STMP1: variants seen among roughly 807,000 people sequenced by gnomAD.
STMP1 encodes short transmembrane mitochondrial protein 1.
STMP1 carries 7 observed loss-of-function variants against 7.0 expected under a neutral mutation model. The observed-to-expected ratio is 1.01, with a 90% CI of 0.57 to 1.89. STMP1 has a LOEUF of 1.89. STMP1 is among the 40% of genes most tolerant of loss of function. STMP1 has a pLI of 0.00. For synonymous variants in STMP1, 19 were observed against 18.4 expected (o/e 1.03, Z -0.08); for missense variants, 45 against 53.0 (o/e 0.85, Z 0.47).
chr7:135,670,919 A>G (rs1189366373), intron 1 of STMP1, among the ~76,000 whole-genome samples: 1 of 152,224 alleles, frequency 6.6e-6, no homozygotes, highest in Non-Finnish European at 1.5e-5. Context: ...TGCTTTAGGC[A>G]CACCGCTTGA....
chr7:135,666,657 A>G (rs1176957571), intron 1 of STMP1, among the ~76,000 whole-genome samples: 1 of 72,336 alleles, frequency 1.4e-5, no homozygotes, highest in Non-Finnish European at 3.5e-5. Context: ...CTATTACACT[A>G]TTATGATCCA....
intron 1 of STMP1, among the ~76,000 whole-genome samples, chr7:135,667,373 G>A (rs987958793): frequency 6.6e-6 from 1 of 152,062 alleles, no homozygotes; most frequent in Admixed American, 6.6e-5. Context: ...CACCATGCCT[G>A]GCTAATTTTT....
At chr7:135,663,350 T>G (rs964279465) in intron 1 of STMP1, among the ~76,000 whole-genome samples, 1 of 152,168 alleles carries the variant, frequency 6.6e-6, no homozygotes, top group Non-Finnish European at 1.5e-5. Flanking sequence ...TTTTTTTTAT[T>G]TTTTATTTTT....
Position 135,675,405 on chromosome 7 carries a change from C to T in STMP1, c.*1240C>T, listed in dbSNP as rs1406314785. On this transcript the variant is annotated 3_prime_UTR_variant, in exon 3 of 3. Transcript: ENST00000507606. ...TTTTTTAATGGAGATCATTCTATAC[C>T]AGCATGTAAGTAGCAAGGAACCTCA... is the stretch of plus-strand genomic sequence containing the variant. 1 of 151,758 alleles carries T rather than the reference C, an allele frequency of 6.6e-6. No individual in the cohort carries two copies. Among genetic ancestry groups the T allele is most frequent in the African/African-American group, 2.4e-5 (1 of 41,310 alleles). The allele number at this position is 151,758 out of a possible 1,614,324, so 9.4% of individuals were successfully genotyped here.
chr7:135,663,294 C>A (rs1435280437), intron 1 of STMP1, among the ~76,000 whole-genome samples: 1 of 152,164 alleles, frequency 6.6e-6, no homozygotes, highest in East Asian at 1.9e-4. Flanking sequence ...GAAAGTTTTT[C>A]TGCCAAGCTA....
Position 135,662,554 on chromosome 7 carries a change from C to T in STMP1, c.-26C>T, listed in dbSNP as rs750301602. 1 of 1,546,404 alleles carries T rather than the reference C, an allele frequency of 6.5e-7. No individual in the cohort carries two copies. The highest frequency in any genetic ancestry group is 8.7e-7 in the Non-Finnish European group (1 of 1,145,018). On this transcript the variant is annotated 5_prime_UTR_variant, in exon 1 of 3. Coordinates refer to ENST00000507606, the MANE Select transcript of STMP1 (RefSeq NM_001130929.2). ...CGCGGAGCTGCTGCAGTCCTTCGCG[C>T]CCTCCTCGCCCTCCCCACCGACATC... is the stretch of plus-strand genomic sequence containing the variant.
At chr7:135,673,128 T>C (rs1308897647) in intron 2 of STMP1, 2 of 343,094 alleles carry the variant, frequency 5.8e-6, no homozygotes, top group East Asian at 1.2e-4. Flanking sequence ...TAAGTGAGAA[T>C]TTAAAAATTA....
chr7:135,667,945 T>C (rs1795314030), intron 1 of STMP1, among the ~76,000 whole-genome samples: 1 of 152,254 alleles, frequency 6.6e-6, no homozygotes, highest in South Asian at 2.1e-4. Context: ...TAATCCATTT[T>C]GAGTTAATTT....
chr7:135,662,587 A>G lies in STMP1; in HGVS notation c.8A>G (p.Gln3Arg), dbSNP rs1429976337. 1 of 1,547,454 alleles carries G rather than the reference A, an allele frequency of 6.5e-7. No individual in the cohort carries two copies. The highest frequency in any genetic ancestry group is 1.2e-5 in the South Asian group (1 of 83,824). ML[Q>R]FLLGFTLGNV... ...GCCCTCCCCACCGACATCATGCTCCAGTTCCTGGTGAGTGGAGCTGCCGAA... is the reference window on the plus strand; with the variant it reads ...GCCCTCCCCACCGACATCATGCTCCGGTTCCTGGTGAGTGGAGCTGCCGAA... Residue 3 changes from glutamine to arginine, a missense_variant, in exon 1 of 3, where the codon CAG (glutamine) becomes CGG (arginine). Transcript: ENST00000507606.
intron 1 of STMP1, among the ~76,000 whole-genome samples, chr7:135,668,145 T>C (rs1465560207): frequency 6.6e-6 from 1 of 152,188 alleles, no homozygotes. Context: ...ATTCCTGGGC[T>C]CTCCACTTTA....
rs900266391 is a variant in STMP1 at position 135,662,696 on chromosome 7, G to A, written c.15+102G>A. ...GACCCCGCCGACCCGGCCTGGGCGT[G>A]GGTCCAGCGGTCCCTTCGTCCCCCG... is the stretch of plus-strand genomic sequence containing the variant. On this transcript the variant is annotated intron_variant, in intron 1 of 2. Transcript: ENST00000507606. The A allele has an allele frequency of 2.2e-6, 3 of 1,365,688 alleles. No individual in the cohort carries two copies. The Admixed American group carries it at 7.7e-5, about 35-fold the overall frequency. 84.6% of individuals were successfully genotyped at this position (1,365,688 alleles called of 1,614,324 possible).
chr7:135,666,436 C>T (rs1363048869), intron 1 of STMP1, among the ~76,000 whole-genome samples: 1 of 152,136 alleles, frequency 6.6e-6, no homozygotes, highest in African/African-American at 2.4e-5. Flanking sequence ...GCAACCTCTG[C>T]CTCCTTGGTT....
At position 135,665,049 on chromosome 7, in the gene STMP1, T is replaced by C. The variant is rs537904158; in HGVS notation, c.15+2455T>C. On this transcript the variant is annotated intron_variant, in intron 1 of 2. Transcript: ENST00000507606. ...TTTGTTGTGAGGATTAAAAATGAGT[T>C]AACACATTAAAGAACTTAAAAACAG... is the stretch of plus-strand genomic sequence containing the variant. Among the ~76,000 whole-genome samples the C allele has an allele frequency of 3.8e-4, 58 of 152,292 alleles. 3 individuals carry two copies. In the South Asian group the frequency reaches 0.011, roughly 30 times the overall value.
intron 2 of STMP1, chr7:135,673,038 C>T (rs968475024): frequency 1.1e-5 from 6 of 529,294 alleles, no homozygotes; most frequent in Non-Finnish European, 1.3e-5. Flanking sequence ...TAGCTGGGCT[C>T]ATGATCATCC....
At chr7:135,672,274 G>C in intron 1 of STMP1, among the ~76,000 whole-genome samples, 1 of 152,132 alleles carries the variant, frequency 6.6e-6, no homozygotes, top group Non-Finnish European at 1.5e-5. Flanking sequence ...CTCTGTGCCC[G>C]GCCTTGACTG....
At chr7:135,671,753 C>T (rs1428862383) in intron 1 of STMP1, among the ~76,000 whole-genome samples, 1 of 152,178 alleles carries the variant, frequency 6.6e-6, no homozygotes, top group Non-Finnish European at 1.5e-5. Context: ...AGTGCTAAGC[C>T]ATATGTGCTC....
At position 135,674,403 on chromosome 7, in the gene STMP1, A is replaced by C; in HGVS notation, c.*238A>C. 2.3e-6 allele frequency: 1 copy of C among 438,522 alleles called. No individual in the cohort carries two copies. The highest frequency in any genetic ancestry group is 4.1e-6 in the Non-Finnish European group (1 of 246,494). 27.2% of individuals were successfully genotyped at this position (438,522 alleles called of 1,614,324 possible). ...CCTTTCCAACTGCATGGGAGGTTCT[A>C]AGACTGGAATTATGGTGCTAGATTA... On this transcript the variant is annotated 3_prime_UTR_variant, in exon 3 of 3. Transcript: ENST00000507606.
Position 135,662,517 on chromosome 7 carries a change from C to T in STMP1, c.-63C>T, listed in dbSNP as rs551907780. ...CCCCCCCCGCGCATGGGGAGGTAGG[C>T]TCGGACCGGCCCGCGGAGCTGCTGC... On this transcript the variant is annotated 5_prime_UTR_variant, in exon 1 of 3. Coordinates refer to ENST00000507606, the MANE Select transcript of STMP1 (RefSeq NM_001130929.2). The T allele has an allele frequency of 7.6e-5, 116 of 1,520,044 alleles. No homozygotes were observed. Among genetic ancestry groups the T allele is most frequent in the Non-Finnish European group, 6.2e-6 (7 of 1,128,862 alleles). 94.2% of individuals were successfully genotyped at this position (1,520,044 alleles called of 1,614,324 possible).
At chr7:135,667,214 T>C (rs1795304248) in intron 1 of STMP1, among the ~76,000 whole-genome samples, 1 of 152,250 alleles carries the variant, frequency 6.6e-6, no homozygotes, top group African/African-American at 2.4e-5. Flanking sequence ...TGTTTTATTT[T>C]ATTTATTTAT....
Sources: gnomAD v4.1 joint callset for allele counts (sites outside exome capture counted in the v4.1 genomes callset) on GRCh38, gnomAD v4.1.1 for gene constraint, MANE v1.5 for transcripts, NCBI Gene and HGNC (gene_info 2026-07-23, HGNC 2026-07-21) for gene names.